The following AKAP6 variants were observed in gnomAD, a reference collection of about 807,000 sequenced individuals.
AKAP6 encodes A-kinase anchor protein 6.
In AKAP6, 58 loss-of-function variants were observed where a neutral mutation model predicts 188.5. The ratio of observed to expected loss-of-function variants is 0.31; its 90% confidence interval spans 0.25 to 0.38. The LOEUF is 0.38. Among genes scored for constraint, AKAP6 ranks in the 10% least tolerant of loss-of-function variants. The pLI is 1.00. For synonymous variants in AKAP6, 989 were observed against 998.6 expected (o/e 0.99, Z 0.18); for missense variants, 2,710 against 2,740.0 (o/e 0.99, Z 0.24).
chr14:32,769,036 G>GTTTTTTT (rs1566698267), intron 11 of AKAP6, among the ~76,000 whole-genome samples: 13 of 18,500 alleles, frequency 7.0e-4, no homozygotes, highest in Admixed American at 8.5e-4. Flanking sequence ...CTGCTCTTTT[G>GTTTTTTT]ATTTTTTTTT....
intron 2 of AKAP6, among the ~76,000 whole-genome samples, chr14:32,482,478 G>A (rs755177407): frequency 3.3e-5 from 5 of 152,120 alleles, no homozygotes; most frequent in Non-Finnish European, 7.4e-5. Context: ...ACTTGTCAGA[G>A]ATTATTTCCT....
Position 32,797,925 on chromosome 14 carries a change from GA to G in AKAP6, c.3589-23462del, listed in dbSNP as rs57455449. On this transcript the variant is annotated intron_variant, in intron 12 of 13. Coordinates refer to ENST00000280979, the MANE Select transcript of AKAP6 (RefSeq NM_004274.5). ...AATTAAATTAAAATGCTTCTGCACAGAAAAAAAAAAAAAAACCATTAACAGA... is the reference window on the plus strand; with the variant it reads ...AATTAAATTAAAATGCTTCTGCACAGAAAAAAAAAAAAAACCATTAACAGA... Among the ~76,000 whole-genome samples the G allele has an allele frequency of 2.2e-3, 277 of 128,056 alleles. 1 individual carries two copies. Among genetic ancestry groups the G allele is most frequent in the Admixed American group, 5.7e-3 (69 of 12,112 alleles). The allele number at this position is 128,056 out of a possible 152,430, so 84.0% of individuals were successfully genotyped here.
chr14:32,591,235 T>A (rs1885472563), intron 5 of AKAP6, among the ~76,000 whole-genome samples: 1 of 152,188 alleles, frequency 6.6e-6, no homozygotes, highest in South Asian at 2.1e-4. Context: ...AAATGGTCCC[T>A]TTAGACAGAA....
chr14:32,501,125 A>G (rs1177560244), intron 2 of AKAP6, among the ~76,000 whole-genome samples: 1 of 152,192 alleles, frequency 6.6e-6, no homozygotes, highest in Non-Finnish European at 1.5e-5. Flanking sequence ...AATTTTCTAA[A>G]TCAAGAAAGT....
intron 7 of AKAP6, among the ~76,000 whole-genome samples, chr14:32,615,167 C>CAAAGAAAAAAAAAAAA (rs1886512058): frequency 1.9e-5 from 1 of 53,506 alleles, no homozygotes; most frequent in Non-Finnish European, 3.2e-5. Context: ...GACTCTGTCT[C>CAAAGAAAAAAAAAAAA]AAAAAAAAAA....
intron 8 of AKAP6, among the ~76,000 whole-genome samples, chr14:32,691,288 T>C (rs1890168229): frequency 6.6e-6 from 1 of 152,194 alleles, no homozygotes; most frequent in Non-Finnish European, 1.5e-5. Context: ...CAAGGGAATA[T>C]AGAACTGTTA....
At chr14:32,703,723 A>G (rs149081049) in intron 9 of AKAP6, among the ~76,000 whole-genome samples, 223 of 152,320 alleles carry the variant, frequency 1.5e-3, no homozygotes, top group African/African-American at 5.1e-3. Context: ...GCCTTTTGGA[A>G]TCTACTAAGA....
chr14:32,753,646 T>G (rs574167444), intron 11 of AKAP6, among the ~76,000 whole-genome samples: 2 of 152,144 alleles, frequency 1.3e-5, no homozygotes, highest in South Asian at 4.1e-4. Context: ...ATAGCAATTT[T>G]GGTTTTATGT....
intron 4 of AKAP6, among the ~76,000 whole-genome samples, chr14:32,567,336 C>A (rs1884241630): frequency 6.6e-6 from 1 of 152,142 alleles, no homozygotes; most frequent in South Asian, 2.1e-4. Context: ...TCTATGGGAA[C>A]CTTTCTTTCT....
chr14:32,631,281 A>C (rs929343014), intron 7 of AKAP6, among the ~76,000 whole-genome samples: 5 of 152,078 alleles, frequency 3.3e-5, no homozygotes. Flanking sequence ...TAAGATTAAG[A>C]TTAGCACCAC....
At chr14:32,444,362 A>G (rs569952839) in intron 2 of AKAP6, among the ~76,000 whole-genome samples, 3 of 152,194 alleles carry the variant, frequency 2.0e-5, no homozygotes, top group African/African-American at 7.2e-5. Flanking sequence ...GTCACGCTCA[A>G]ACTGAACTTA....
At chr14:32,379,834 T>G (rs560855674) in intron 1 of AKAP6, among the ~76,000 whole-genome samples, 1 of 152,306 alleles carries the variant, frequency 6.6e-6, no homozygotes, top group East Asian at 1.9e-4. Context: ...GAATTGCCAT[T>G]GACAATGTCT....
At chr14:32,458,047 CT>C (rs934620643) in intron 2 of AKAP6, among the ~76,000 whole-genome samples, 2 of 152,112 alleles carry the variant, frequency 1.3e-5, no homozygotes, top group African/African-American at 4.8e-5. Context: ...AGTGAAAAGC[CT>C]TGGCAAATAC....
intron 12 of AKAP6, among the ~76,000 whole-genome samples, chr14:32,798,878 T>C (rs2033853577): frequency 6.6e-6 from 1 of 151,434 alleles, no homozygotes; most frequent in Non-Finnish European, 1.5e-5. Context: ...AAAATAAAAG[T>C]TGGAAAAAAA....
At chr14:32,421,971 C>T (rs1187691940) in intron 1 of AKAP6, among the ~76,000 whole-genome samples, 1 of 152,190 alleles carries the variant, frequency 6.6e-6, no homozygotes, top group Admixed American at 6.5e-5. Flanking sequence ...TACTCCTCAA[C>T]TATGCATGGC....
chr14:32,687,400 ATCTCTCTCTCTC>A (rs71115092), intron 8 of AKAP6, among the ~76,000 whole-genome samples: 3,206 of 128,980 alleles, frequency 0.025, 124 homozygotes, highest in African/African-American at 0.078. Flanking sequence ...CATACTAACT[ATCTCTCTCTCTC>A]TCTCTCTCTC....
intron 5 of AKAP6, among the ~76,000 whole-genome samples, chr14:32,581,014 C>G (rs1219030820): frequency 1.3e-5 from 2 of 152,086 alleles, no homozygotes; most frequent in Non-Finnish European, 2.9e-5. Flanking sequence ...AATAAACATA[C>G]GTGTGCATGT....
chr14:32,496,918 C>G (rs932676859), intron 2 of AKAP6, among the ~76,000 whole-genome samples: 7 of 152,138 alleles, frequency 4.6e-5, no homozygotes, highest in African/African-American at 1.7e-4. Context: ...AGAGTTACTT[C>G]CTGTGAATAA....
At chr14:32,343,742 G>A (rs1040682867) in intron 1 of AKAP6, among the ~76,000 whole-genome samples, 6 of 69,780 alleles carry the variant, frequency 8.6e-5, no homozygotes, top group South Asian at 5.8e-4. Flanking sequence ...GCAAGATTCC[G>A]TCTCAAAAAA....
Sources: gnomAD v4.1 joint callset for allele counts (sites outside exome capture counted in the v4.1 genomes callset) on GRCh38, gnomAD v4.1.1 for gene constraint, MANE v1.5 for transcripts, NCBI Gene and HGNC (gene_info 2026-07-23, HGNC 2026-07-21) for gene names.